The following CGGBP1 variants were observed in gnomAD, a reference collection of about 807,000 sequenced individuals.
The protein encoded by CGGBP1 is CGG triplet repeat binding protein 1.
CGGBP1 carries 4 observed loss-of-function variants against 11.4 expected under a neutral mutation model. That is an observed-to-expected ratio of 0.35 (90% CI 0.17 to 0.80). The LOEUF is 0.80. Among genes scored for constraint, CGGBP1 ranks in the 30% least tolerant of loss-of-function variants. The pLI, the probability that CGGBP1 is intolerant of heterozygous loss-of-function variation, is 0.52. For synonymous variants in CGGBP1, 76 were observed against 74.1 expected, an observed-to-expected ratio of 1.03 and a Z score of -0.13; for missense variants, 135 against 202.1, an observed-to-expected ratio of 0.67 and a Z score of 2.01.
At position 88,141,684 on chromosome 3, in the gene CGGBP1, G is replaced by T. The variant is rs1707144049; in HGVS notation, c.-337-606C>A. 2.0e-6 allele frequency: 3 copies of T among 1,480,052 alleles called. No individual in the cohort carries two copies. In the South Asian group the frequency reaches 4.2e-5, roughly 21 times the overall value. 91.7% of individuals were successfully genotyped at this position (1,480,052 alleles called of 1,614,324 possible). A position where few individuals can be genotyped will look rare whatever the true frequency, so the allele number is the denominator to read the frequency against. On this transcript the variant is annotated intron_variant, in intron 1 of 3. Coordinates refer to the CGGBP1 transcript ENST00000462901. ...CGGTTCAGAAAGATCTGTCAATCAA[G>T]CAGTAGTGTGAAAAAAGCACTATAA...
intron 2 of CGGBP1, among the ~76,000 whole-genome samples, chr3:88,069,539 G>A (rs931491992): frequency 7.2e-5 from 11 of 152,104 alleles, no homozygotes; most frequent in African/African-American, 1.9e-4. Context: ...AGCACTTATC[G>A]AAGTTATAAC....
At chr3:88,139,978 T>C (rs1707020327) in intron 2 of CGGBP1, 2 of 1,613,794 alleles carry the variant, frequency 1.2e-6, no homozygotes, top group South Asian at 2.2e-5. Context: ...GCAATGACCG[T>C]ACATCCAACC....
chr3:88,095,435 G>T (rs1033988938), intron 2 of CGGBP1: 11 of 343,056 alleles, frequency 3.2e-5, no homozygotes, highest in Non-Finnish European at 6.1e-5. Context: ...TTTCCTCTTT[G>T]GTTTCTGTAT....
In CGGBP1 at chr3:88,137,194, CA is replaced by C. The variant is rs11401199; in HGVS notation, c.-229+3775del. ...TGGGTGACAGTGCGAGACTCTGTCTCAAAAAAAAAAAAAAAAAAAAAAAAGG... is the reference window on the plus strand; with the variant it reads ...TGGGTGACAGTGCGAGACTCTGTCTCAAAAAAAAAAAAAAAAAAAAAAAGG... On this transcript the variant is annotated intron_variant, in intron 2 of 3. Coordinates refer to the CGGBP1 transcript ENST00000462901. Among the ~76,000 whole-genome samples the C allele has an allele frequency of 9.9e-3, 698 of 70,712 alleles. 3 individuals are homozygous for C. The highest frequency in any genetic ancestry group is 0.041 in the African/African-American group (634 of 15,506). 46.4% of individuals were successfully genotyped at this position (70,712 alleles called of 152,430 possible). A position where few individuals can be genotyped will look rare whatever the true frequency, so the allele number is the denominator to read the frequency against.
intron 2 of CGGBP1, among the ~76,000 whole-genome samples, chr3:88,064,597 A>G (rs1048711008): frequency 3.3e-5 from 5 of 152,166 alleles, no homozygotes; most frequent in African/African-American, 1.2e-4. Flanking sequence ...TCAAGCACAC[A>G]TGAGCTTGTT....
intron 2 of CGGBP1, among the ~76,000 whole-genome samples, chr3:88,101,765 G>A (rs1036536627): frequency 6.6e-6 from 1 of 152,100 alleles, no homozygotes; most frequent in Non-Finnish European, 1.5e-5. Flanking sequence ...GTGACTGTAC[G>A]ATTAAAATTC....
chr3:88,096,559 G>T (rs552089115), intron 2 of CGGBP1, among the ~76,000 whole-genome samples: 1 of 152,182 alleles, frequency 6.6e-6, no homozygotes, highest in African/African-American at 2.4e-5. Flanking sequence ...TTGAATTTTA[G>T]ATTGGCAATT....
At chr3:88,117,389 A>T (rs750108928) in intron 2 of CGGBP1, among the ~76,000 whole-genome samples, 3 of 152,180 alleles carry the variant, frequency 2.0e-5, no homozygotes, top group Non-Finnish European at 4.4e-5. Context: ...ATGCCAGCAT[A>T]AATAATGTCT....
At chr3:88,145,261 A>G (rs565288674) in intron 1 of CGGBP1, among the ~76,000 whole-genome samples, 2 of 152,146 alleles carry the variant, frequency 1.3e-5, no homozygotes, top group Non-Finnish European at 2.9e-5. Flanking sequence ...TATAACTTGC[A>G]ATTGGAAAAA....
At chr3:88,083,059 C>T (rs1708163243) in intron 2 of CGGBP1, among the ~76,000 whole-genome samples, 1 of 151,910 alleles carries the variant, frequency 6.6e-6, no homozygotes, top group Non-Finnish European at 1.5e-5. Context: ...CTCCCTCTTC[C>T]TCCCTCTTCT....
intron 2 of CGGBP1, among the ~76,000 whole-genome samples, chr3:88,114,150 C>T (rs1559719237): frequency 6.6e-6 from 1 of 152,110 alleles, no homozygotes; most frequent in Non-Finnish European, 1.5e-5. Context: ...ATTAATGATT[C>T]TGGCATAGGG....
intron 2 of CGGBP1, among the ~76,000 whole-genome samples, chr3:88,070,207 G>A (rs1707427268): frequency 6.6e-6 from 1 of 151,948 alleles, no homozygotes; most frequent in African/African-American, 2.4e-5. Flanking sequence ...CACTTCTGAG[G>A]AATTATAAAT....
chr3:88,108,705 T>G (rs1444920597), intron 2 of CGGBP1, among the ~76,000 whole-genome samples: 1 of 152,168 alleles, frequency 6.6e-6, no homozygotes, highest in Non-Finnish European at 1.5e-5. Flanking sequence ...GTGCTTGTGT[T>G]CAGGTAACCC....
chr3:88,123,445 T>C (rs923560800), intron 2 of CGGBP1, among the ~76,000 whole-genome samples: 2 of 152,304 alleles, frequency 1.3e-5, no homozygotes, highest in African/African-American at 4.8e-5. Context: ...CATAATGTAA[T>C]CATTTATGGG....
At chr3:88,134,345 AC>A (rs1706644371) in intron 2 of CGGBP1, among the ~76,000 whole-genome samples, 1 of 152,106 alleles carries the variant, frequency 6.6e-6, no homozygotes, top group Non-Finnish European at 1.5e-5. Flanking sequence ...TTATTTTAAT[AC>A]TTTTAGATTA....
chr3:88,126,896 C>T (rs1002061689), intron 2 of CGGBP1, among the ~76,000 whole-genome samples: 1 of 152,108 alleles, frequency 6.6e-6, no homozygotes, highest in African/African-American at 2.4e-5. Context: ...ACCCTTACTA[C>T]CTGCATATTT....
At chr3:88,090,590 T>A (rs1034876760) in intron 2 of CGGBP1, among the ~76,000 whole-genome samples, 1 of 152,204 alleles carries the variant, frequency 6.6e-6, no homozygotes, top group South Asian at 2.1e-4. Flanking sequence ...ATAAGTGCGG[T>A]ATAGCCTACA....
chr3:88,065,273 C>CT (rs144267408), intron 2 of CGGBP1, among the ~76,000 whole-genome samples: 73 of 149,120 alleles, frequency 4.9e-4, no homozygotes, highest in African/African-American at 1.1e-3. Context: ...GAGCTAAATC[C>CT]TTTTTTTTTT....
intron 2 of CGGBP1, among the ~76,000 whole-genome samples, chr3:88,094,545 G>A (rs1319206957): frequency 6.6e-6 from 1 of 152,114 alleles, no homozygotes; most frequent in African/African-American, 2.4e-5. Flanking sequence ...GGTATTTATT[G>A]TTTTTCTATT....
Sources: allele counts gnomAD v4.1 joint callset (sites outside exome capture counted in the v4.1 genomes callset), GRCh38; gene constraint gnomAD v4.1.1; transcripts MANE v1.5; gene names NCBI Gene and HGNC (gene_info 2026-07-23, HGNC 2026-07-21).